The following ZNF106 variants were observed in gnomAD, a reference collection of about 807,000 sequenced individuals.
The protein encoded by ZNF106 is SH3-domain binding protein 3.
ZNF106 carries 67 observed loss-of-function variants against 195.1 expected under a neutral mutation model. The observed-to-expected ratio is 0.34, with a 90% CI of 0.28 to 0.42. ZNF106 has a LOEUF of 0.42. ZNF106 is among the 10% of genes least tolerant of loss of function. ZNF106 has a pLI of 1.00. For missense variants in ZNF106, 2,118 were observed against 2,304.5 expected (o/e 0.92, Z 1.66); for synonymous variants, 784 against 818.6 (o/e 0.96, Z 0.72).
intron 5 of ZNF106, 143 bp downstream of exon 5, chr15:42,449,628 T>C (rs1391652156): frequency 4.3e-6 from 5 of 1,165,172 alleles, no homozygotes; most frequent in Non-Finnish European, 3.6e-6. Flanking sequence ...CAGTCACTAT[T>C]TGATATTAAA....
chr15:42,441,979 A>T, intron 10 of ZNF106, 94 bp downstream of exon 10: 1 of 935,592 alleles, frequency 1.1e-6, no homozygotes, highest in Non-Finnish European at 1.6e-6. Flanking sequence ...TGCTCATTTT[A>T]GTTTTAATGA....
intron 1 of ZNF106, among the ~76,000 whole-genome samples, chr15:42,477,621 G>A (rs914916828): frequency 4.6e-5 from 7 of 152,202 alleles, no homozygotes; most frequent in Non-Finnish European, 8.8e-5. Context: ...AGGTGTGGTG[G>A]CTCATGCCTG....
chr15:42,465,153 A>G (rs1032953133), intron 3 of ZNF106, among the ~76,000 whole-genome samples: 1 of 151,922 alleles, frequency 6.6e-6, no homozygotes, highest in Admixed American at 6.6e-5. Flanking sequence ...TGCCTGGCTC[A>G]GTTTTCCAAA....
intron 1 of ZNF106, among the ~76,000 whole-genome samples, 178 bp downstream of exon 1, chr15:42,490,802 C>A (rs1171735545): frequency 2.6e-5 from 4 of 152,224 alleles, no homozygotes; most frequent in African/African-American, 9.6e-5. Context: ...AGCAGCACCG[C>A]CTGCCCATAA....
chr15:42,422,754 GTACAAA>G, intron 17 of ZNF106, 134 bp from the exon 18 acceptor site: 3 of 870,810 alleles, frequency 3.4e-6, no homozygotes, highest in Non-Finnish European at 4.8e-6. Flanking sequence ...TGTATTAACT[GTACAAA>G]TACAGTTAAT....
intron 1 of ZNF106, among the ~76,000 whole-genome samples, chr15:42,477,885 A>G (rs2056816817): frequency 6.6e-6 from 1 of 151,714 alleles, no homozygotes; most frequent in Non-Finnish European, 1.5e-5. Flanking sequence ...AGTGAAACTC[A>G]GCCTCAAAAA....
intron 9 of ZNF106, 43 bp from the exon 10 acceptor site, chr15:42,442,457 T>C (rs757700718): frequency 1.3e-6 from 2 of 1,511,538 alleles, no homozygotes; most frequent in African/African-American, 2.8e-5. Flanking sequence ...AAAAATGTTA[T>C]CTGAAAAGTC....
At chr15:42,457,811 T>C (rs1241137434) in intron 3 of ZNF106, among the ~76,000 whole-genome samples, 1 of 152,238 alleles carries the variant, frequency 6.6e-6, no homozygotes, top group Non-Finnish European at 1.5e-5. Flanking sequence ...AGTTAACAGC[T>C]GTGCCAAGCA....
At chr15:42,485,771 T>C (rs1170344033) in intron 1 of ZNF106, among the ~76,000 whole-genome samples, 2 of 152,140 alleles carry the variant, frequency 1.3e-5, no homozygotes, top group South Asian at 2.1e-4. Context: ...TGCACAACAA[T>C]AAACAATGTG....
intron 4 of ZNF106, among the ~76,000 whole-genome samples, chr15:42,455,008 T>C (rs2056180977): frequency 6.6e-6 from 1 of 152,194 alleles, no homozygotes; most frequent in African/African-American, 2.4e-5. Flanking sequence ...TCTGACTTAA[T>C]GTTTAATTAT....
At chr15:42,421,264 C>G (rs62022303) in intron 19 of ZNF106, 132 bp from the exon 20 acceptor site, 1 of 792,954 alleles carries the variant, frequency 1.3e-6, no homozygotes, top group Non-Finnish European at 2.1e-6. Flanking sequence ...AGCTCCAGAG[C>G]AGGAGAATGG....
At position 42,422,545 on chromosome 15, in the gene ZNF106, C is replaced by T. The variant is rs1396262617; in HGVS notation, c.5329G>A (p.Val1777Met). Residue 1777 changes from valine to methionine, a missense_variant, in exon 18 of 22, where the codon GTG becomes ATG. Val to Met is a conservative substitution (Grantham distance 21). Coordinates refer to ENST00000564754, the MANE Select transcript of ZNF106 (RefSeq NM_001366845.3). ...ACAAATTTATCCAGGCAAGCAGTCA[C>T]CATCACTTTTCCTAGGATATTCACC... ...TVVNILGKVM[V>M]TACLDKFVRV... is the part of the protein sequence containing the mutation. 1.9e-6 allele frequency: 3 copies of T among 1,613,582 alleles called. No homozygotes were observed. The African/African-American group carries it at 4.0e-5, about 22-fold the overall frequency.
intron 11 of ZNF106, 115 bp from the exon 12 acceptor site, chr15:42,438,782 T>C (rs529144934): frequency 5.1e-6 from 5 of 977,096 alleles, no homozygotes; most frequent in Non-Finnish European, 6.1e-6. Flanking sequence ...AGCAATGATA[T>C]AAGAGATTAG....
intron 5 of ZNF106, 56 bp from the exon 6 acceptor site, chr15:42,448,761 C>A (rs1229767868): frequency 2.6e-6 from 4 of 1,515,308 alleles, no homozygotes; most frequent in Non-Finnish European, 3.5e-6. Context: ...TTGGGAGGGG[C>A]ATTATTTTTT....
chr15:42,489,063 G>T (rs1043366180), intron 1 of ZNF106, among the ~76,000 whole-genome samples: 1 of 138,318 alleles, frequency 7.2e-6, no homozygotes, highest in African/African-American at 2.7e-5. Context: ...GGGCGACAAA[G>T]CAAGGCTCTC....
chr15:42,431,560 AT>A (rs1448271605), intron 14 of ZNF106, among the ~76,000 whole-genome samples: 1 of 151,542 alleles, frequency 6.6e-6, no homozygotes, highest in Non-Finnish European at 1.5e-5. Flanking sequence ...GGCCCAGCTA[AT>A]TTTTTTGTAT....
chr15:42,446,786 G>A (rs752538712), intron 6 of ZNF106, 128 bp from the exon 7 acceptor site: 11 of 805,532 alleles, frequency 1.4e-5, no homozygotes, highest in African/African-American at 3.6e-5. Flanking sequence ...TAACATGATC[G>A]TAGAAGTCTC....
At chr15:42,478,299 G>T (rs1242833598) in intron 1 of ZNF106, among the ~76,000 whole-genome samples, 1 of 151,528 alleles carries the variant, frequency 6.6e-6, no homozygotes, top group Non-Finnish European at 1.5e-5. Context: ...AAGTAGCTGG[G>T]ACTACAGGCA....
At chr15:42,441,170 A>C (rs1003939401) in intron 10 of ZNF106, among the ~76,000 whole-genome samples, 7 of 121,040 alleles carry the variant, frequency 5.8e-5, no homozygotes. Flanking sequence ...CCCCATCTCT[A>C]CTTAAAAAAA....
Sources: gnomAD v4.1 joint callset for allele counts (sites outside exome capture counted in the v4.1 genomes callset) on GRCh38, gnomAD v4.1.1 for gene constraint, MANE v1.5 for transcripts, NCBI Gene and HGNC (gene_info 2026-07-23, HGNC 2026-07-21) for gene names.